The following AGAP1 variants were observed in gnomAD, a reference collection of about 807,000 sequenced individuals.
AGAP1 encodes arf-GAP with GTPase, ANK repeat and PH domain-containing protein 1.
Under a neutral mutation model 105.3 loss-of-function variants are expected in AGAP1, and 29 were observed. That is an observed-to-expected ratio of 0.28 (90% CI 0.21 to 0.38). AGAP1 has a LOEUF of 0.38. AGAP1 is among the 10% of genes least tolerant of loss of function. The pLI is 1.00. For synonymous variants in AGAP1, 509 were observed against 485.9 expected (o/e 1.05, Z -0.63); for missense variants, 998 against 1,165.1 (o/e 0.86, Z 2.09).
Position 236,062,262 on chromosome 2 carries a change from T to A in AGAP1, c.2114+12981T>A, listed in dbSNP as rs1027904130. On this transcript the variant is annotated intron_variant, in intron 16 of 17. Transcript: ENST00000304032. This position sits in a 1 kb window ranked among gnomAD's most constrained non-coding sequence, Gnocchi z 4.2. ...CGCACAGCAAACCAATGCCATTCTT[T>A]CCTTTTCCTGGGCTAGGAAACTCAG... is the stretch of plus-strand genomic sequence containing the variant. Among the ~76,000 whole-genome samples the A allele has an allele frequency of 1.3e-5, 2 of 152,162 alleles. No individual in the cohort carries two copies. Among genetic ancestry groups the A allele is most frequent in the East Asian group, 3.9e-4 (2 of 5,164 alleles).
rs1313320888 is a variant in AGAP1 at position 235,893,016 on chromosome 2, A to C, written c.1155+9567A>C. ...GGCGTGATTCATCTTAAGATCAAAA[A>C]TTATTTCATCTTGCTTTCTTGGTCA... On this transcript the variant is annotated intron_variant, in intron 10 of 17. Transcript: ENST00000304032. The surrounding 1 kb of genome is among the most constrained non-coding windows in gnomAD (Gnocchi z 4.7). 3.3e-5 allele frequency among the ~76,000 whole-genome samples: 5 copies of C among 152,168 alleles called. No homozygotes were observed.
At position 236,062,166 on chromosome 2, in the gene AGAP1, G is replaced by T. The variant is rs6724000; in HGVS notation, c.2114+12885G>T. Among the ~76,000 whole-genome samples, 404 of 152,298 alleles carry T rather than the reference G, an allele frequency of 2.7e-3. 2 individuals are homozygous for T. The highest frequency in any genetic ancestry group is 9.1e-3 in the African/African-American group (379 of 41,578). On this transcript the variant is annotated intron_variant, in intron 16 of 17. Transcript: ENST00000304032. The surrounding 1 kb of genome is among the most constrained non-coding windows in gnomAD (Gnocchi z 4.2). Reference sequence around the variant, plus strand: ...GGGGAGCAAGTGAGCCTGAATCAGCGATCATCACCACCAGATACTGGGAGT... The same window carrying T: ...GGGGAGCAAGTGAGCCTGAATCAGCTATCATCACCACCAGATACTGGGAGT...
rs2058199843 is a variant in AGAP1 at position 236,061,702 on chromosome 2, G to A, written c.2114+12421G>A. On this transcript the variant is annotated intron_variant, in intron 16 of 17. Transcript: ENST00000304032. This position sits in a 1 kb window ranked among gnomAD's most constrained non-coding sequence, Gnocchi z 4.1. ...CTGCTTGCCAGGTGCAGGGGAGGGAGGGGCAGTGGCGTATACGGAGTGATT... is the reference window on the plus strand; with the variant it reads ...CTGCTTGCCAGGTGCAGGGGAGGGAAGGGCAGTGGCGTATACGGAGTGATT... 6.6e-6 allele frequency among the ~76,000 whole-genome samples: 1 copy of A among 152,102 alleles called. No homozygotes were observed. Among genetic ancestry groups the A allele is most frequent in the Admixed American group, 6.5e-5 (1 of 15,270 alleles).
chr2:235,696,075 T>C (rs1575153798), intron 1 of AGAP1, among the ~76,000 whole-genome samples: 1 of 152,174 alleles, frequency 6.6e-6, no homozygotes, highest in African/African-American at 2.4e-5. Flanking sequence ...AGACGGAGTT[T>C]CACTGTGTTG....
intron 1 of AGAP1, among the ~76,000 whole-genome samples, chr2:235,512,031 ATG>A (rs71064849): frequency 6.7e-6 from 1 of 149,400 alleles, no homozygotes; most frequent in Non-Finnish European, 1.5e-5. Context: ...TGAGGTGTGA[ATG>A]TGTGTGAATG....
At position 236,123,500 on chromosome 2, in the gene AGAP1, C is replaced by G. The variant is rs753533033; in HGVS notation, c.2371-419C>G. Among the ~76,000 whole-genome samples the G allele has an allele frequency of 5.3e-5, 8 of 152,150 alleles. No homozygotes were observed. The highest frequency in any genetic ancestry group is 1.0e-4 in the Non-Finnish European group (7 of 68,042). On this transcript the variant is annotated intron_variant, in intron 17 of 17. Transcript: ENST00000304032. The surrounding 1 kb of genome is among the most constrained non-coding windows in gnomAD (Gnocchi z 4.6). ...CTCATTGAAAGGAAATACACTAATT[C>G]ACAAAGGTTATCTCTAAGTAGTAAG...
rs540368259 is a variant in AGAP1, at chr2:235,901,127, A to G, written c.1156-7611A>G. On this transcript the variant is annotated intron_variant, in intron 10 of 17. Transcript: ENST00000304032. The surrounding 1 kb of genome is among the most constrained non-coding windows in gnomAD (Gnocchi z 4.3). ...TGCACCTGTGACTACGTACAAGGCC[A>G]TTGTTTATTATTCATAAATGTGGGA... is the stretch of plus-strand genomic sequence containing the variant. 6.6e-6 allele frequency among the ~76,000 whole-genome samples: 1 copy of G among 152,182 alleles called. No homozygotes were observed. Among genetic ancestry groups the G allele is most frequent in the African/African-American group, 2.4e-5 (1 of 41,440 alleles).
At chr2:235,823,316 T>G (rs1196574725) in intron 9 of AGAP1, among the ~76,000 whole-genome samples, 1 of 152,186 alleles carries the variant, frequency 6.6e-6, no homozygotes, top group Non-Finnish European at 1.5e-5. Flanking sequence ...AACTGAGTGC[T>G]GTCTTTCCCC....
At chr2:235,657,447 C>T (rs895900527) in intron 1 of AGAP1, among the ~76,000 whole-genome samples, 6 of 152,158 alleles carry the variant, frequency 3.9e-5, no homozygotes, top group Admixed American at 3.9e-4. Context: ...GGCGCCACCT[C>T]GGCTCACTGC....
In AGAP1 at chr2:235,630,076, G is replaced by A. The variant is rs190883114; in HGVS notation, c.164-79103G>A. Among the ~76,000 whole-genome samples the A allele has an allele frequency of 1.2e-3, 180 of 152,124 alleles. 1 individual carries two copies. Among genetic ancestry groups the A allele is most frequent in the African/African-American group, 4.1e-3 (169 of 41,488 alleles). On this transcript the variant is annotated intron_variant, in intron 1 of 17. Transcript: ENST00000304032. Reference sequence around the variant, plus strand: ...CAGCAGGATGGAAATGCATTAAGATGAAACTTTAAAAATATAGGACTGTAG... The same window carrying A: ...CAGCAGGATGGAAATGCATTAAGATAAAACTTTAAAAATATAGGACTGTAG...
intron 11 of AGAP1, among the ~76,000 whole-genome samples, chr2:235,929,060 C>T (rs887195168): frequency 1.6e-4 from 25 of 152,180 alleles, no homozygotes; most frequent in African/African-American, 6.0e-4. Flanking sequence ...GGCTTGGGGG[C>T]ATGAGAAACG....
intron 1 of AGAP1, among the ~76,000 whole-genome samples, chr2:235,509,177 A>T (rs1268546640): frequency 6.6e-6 from 1 of 152,110 alleles, no homozygotes; most frequent in East Asian, 1.9e-4. Context: ...TGCTTTTTCT[A>T]CACTTACTTG....
In AGAP1 at chr2:235,792,442, T is replaced by G. The variant is rs576079197; in HGVS notation, c.674-5317T>G. On this transcript the variant is annotated intron_variant, in intron 6 of 17. Transcript: ENST00000304032. The surrounding 1 kb of genome is among the most constrained non-coding windows in gnomAD (Gnocchi z 5.3). ...CAAACATGAAAGAGCCCAGTTTTGCTAAGGAGCTGTTGAAAAACTGGAAAT... is the reference window on the plus strand; with the variant it reads ...CAAACATGAAAGAGCCCAGTTTTGCGAAGGAGCTGTTGAAAAACTGGAAAT... Among the ~76,000 whole-genome samples the G allele has an allele frequency of 1.3e-5, 2 of 152,200 alleles. No homozygotes were observed. Among genetic ancestry groups the G allele is most frequent in the African/African-American group, 4.8e-5 (2 of 41,444 alleles).
intron 1 of AGAP1, among the ~76,000 whole-genome samples, chr2:235,697,404 A>T (rs1233490321): frequency 6.6e-6 from 1 of 152,188 alleles, no homozygotes; most frequent in Non-Finnish European, 1.5e-5. Context: ...GTTTAGCCAC[A>T]TTAAGTGCCC....
In AGAP1 at chr2:235,631,825, CT is replaced by C; in HGVS notation, c.164-77353del. On this transcript the variant is annotated intron_variant, in intron 1 of 17. Coordinates refer to ENST00000304032, the MANE Select transcript of AGAP1 (RefSeq NM_001037131.3). The surrounding 1 kb of genome is among the most constrained non-coding windows in gnomAD (Gnocchi z 5.4). ...CTCCTCGGCTGGGTGGCCCTTCCTG[CT>C]GTCAGGTGTGGCCACTCTCGTGAGA... Among the ~76,000 whole-genome samples the C allele has an allele frequency of 6.6e-6, 1 of 152,358 alleles. No homozygotes were observed. The highest frequency in any genetic ancestry group is 2.1e-4 in the South Asian group (1 of 4,830).
rs1438441063 is a variant in AGAP1 at position 236,042,723 on chromosome 2, A to G, written c.1891+1882A>G. On this transcript the variant is annotated intron_variant, in intron 15 of 17. Transcript: ENST00000304032. This position sits in a 1 kb window ranked among gnomAD's most constrained non-coding sequence, Gnocchi z 5.6. ...TGTGAGTGCGGATGGGGGGTGGGAA[A>G]GGGAGGCCAGTGCAGGGGAGGTGTG... Among the ~76,000 whole-genome samples, 3 of 152,140 alleles carry G rather than the reference A, an allele frequency of 2.0e-5. No homozygotes were observed. The highest frequency in any genetic ancestry group is 6.5e-5 in the Admixed American group (1 of 15,278).
At chr2:235,526,925 T>C (rs189144397) in intron 1 of AGAP1, among the ~76,000 whole-genome samples, 22 of 152,282 alleles carry the variant, frequency 1.4e-4, no homozygotes, top group African/African-American at 4.3e-4. Context: ...GGAACAGATA[T>C]GGTGGTTTTG....
rs59118886 is a variant in AGAP1, at chr2:235,961,098, G to T, written c.1484-7364G>T. On this transcript the variant is annotated intron_variant, in intron 12 of 17. Transcript: ENST00000304032. This position sits in a 1 kb window ranked among gnomAD's most constrained non-coding sequence, Gnocchi z 5.9. ...GGATGTGTGCTGGTGAAGAGGATGA[G>T]CGAAGGCCTGCCTTCCTGAAGCTCG... Among the ~76,000 whole-genome samples, 9,396 of 152,226 alleles carry T rather than the reference G, an allele frequency of 0.062. 966 individuals carry two copies. Among genetic ancestry groups the T allele is most frequent in the African/African-American group, 0.21 (8,916 of 41,488 alleles).
intron 1 of AGAP1, among the ~76,000 whole-genome samples, chr2:235,521,737 TATA>T (rs1363971455): frequency 0.038 from 4,963 of 129,938 alleles, 323 homozygotes; most frequent in African/African-American, 0.15. Context: ...TTGTTTGTTA[TATA>T]TATGTGTGTG....
Sources: gnomAD v4.1 joint callset for allele counts (sites outside exome capture counted in the v4.1 genomes callset) on GRCh38, gnomAD v4.1.1 for gene constraint, Gnocchi (gnomAD v3.1) non-coding constraint, MANE v1.5 for transcripts, NCBI Gene and HGNC (gene_info 2026-07-23, HGNC 2026-07-21) for gene names.